Variants in PTPRK observed in about 807,000 individuals in gnomAD.
PTPRK encodes protein tyrosine phosphatase receptor type K.
A neutral mutation model predicts 178.0 loss-of-function variants in PTPRK; 75 were observed. The observed-to-expected ratio is 0.42, with a 90% CI of 0.35 to 0.51. The LOEUF (loss-of-function observed/expected upper bound fraction) is 0.51. Ranked by LOEUF, PTPRK falls within the 20% of genes least tolerant of loss-of-function variation. PTPRK has a pLI of 0.02. For synonymous variants in PTPRK, 637 were observed against 620.6 expected (o/e 1.03, Z -0.39); for missense variants, 1,441 against 1,797.8 (o/e 0.80, Z 3.59).
chr6:128,302,170 C>T (rs772520934), intron 3 of PTPRK, among the ~76,000 whole-genome samples: 5 of 151,902 alleles, frequency 3.3e-5, no homozygotes, highest in African/African-American at 7.3e-5. Context: ...GGGCGGATCA[C>T]GAGGTCAGGA....
chr6:128,246,463 T>A (rs553095216), intron 3 of PTPRK, among the ~76,000 whole-genome samples: 10 of 152,292 alleles, frequency 6.6e-5, no homozygotes, highest in Non-Finnish European at 1.3e-4. Flanking sequence ...GTTCCTCTTT[T>A]TAGTGACCTC....
chr6:128,338,848 T>C (rs1413631237), intron 2 of PTPRK, among the ~76,000 whole-genome samples: 1 of 148,108 alleles, frequency 6.8e-6, no homozygotes, highest in Non-Finnish European at 1.5e-5. Flanking sequence ...AGGCAAGAGA[T>C]TCACCAAATA....
rs142532849 is a variant in PTPRK at position 128,113,700 on chromosome 6, A to C, written c.1163-23708T>G. On this transcript the variant is annotated intron_variant, in intron 7 of 29. Coordinates refer to ENST00000368226, the MANE Select transcript of PTPRK (RefSeq NM_002844.4). ...AGAACCAATTCCTTGTGTATATTGA[A>C]AGACAGTTGTAAATATAAACACCAA... Among the ~76,000 whole-genome samples the C allele has an allele frequency of 1.4e-3, 211 of 152,168 alleles. 3 individuals are homozygous for C. Among genetic ancestry groups the C allele is most frequent in the Non-Finnish European group, 2.3e-3 (153 of 67,970 alleles).
chr6:128,306,122 G>A (rs749554149), intron 3 of PTPRK, among the ~76,000 whole-genome samples: 7 of 152,124 alleles, frequency 4.6e-5, no homozygotes, highest in Non-Finnish European at 7.4e-5. Flanking sequence ...TTCTGCCCTT[G>A]GCACATGGAG....
intron 6 of PTPRK, among the ~76,000 whole-genome samples, chr6:128,197,288 C>A (rs983512558): frequency 6.7e-6 from 1 of 149,810 alleles, no homozygotes; most frequent in African/African-American, 2.5e-5. Flanking sequence ...TGGTTTGCTG[C>A]ACCTATCAAC....
At chr6:128,386,690 A>G (rs930164513) in intron 2 of PTPRK, among the ~76,000 whole-genome samples, 2 of 152,206 alleles carry the variant, frequency 1.3e-5, no homozygotes, top group African/African-American at 4.8e-5. Flanking sequence ...TTCCACTCTT[A>G]CTAATTGTTT....
chr6:128,007,966 G>A (rs750833938), intron 14 of PTPRK: 1 of 977,502 alleles, frequency 1.0e-6, no homozygotes, highest in African/African-American at 1.7e-5. Flanking sequence ...CAACCACAGA[G>A]GGAGACAACA....
chr6:128,010,472 C>T (rs868428663), intron 13 of PTPRK, among the ~76,000 whole-genome samples: 1 of 151,196 alleles, frequency 6.6e-6, no homozygotes, highest in East Asian at 1.9e-4. Flanking sequence ...TCTTTACCTT[C>T]TCCTCTTGGC....
Position 128,149,344 on chromosome 6 carries a change from AAAT to A in PTPRK, c.1162+35085_1162+35087del, listed in dbSNP as rs543650285. Among the ~76,000 whole-genome samples the A allele has an allele frequency of 2.1e-3, 321 of 152,204 alleles. 1 individual carries two copies. The highest frequency in any genetic ancestry group is 6.2e-3 in the African/African-American group (257 of 41,544). On this transcript the variant is annotated intron_variant, in intron 7 of 29. Coordinates refer to ENST00000368226, the MANE Select transcript of PTPRK (RefSeq NM_002844.4). Reference sequence around the variant, plus strand: ...AAAATATGGCATATCATGGTTAATGAAATAATAATAATATTGATAATTCTAAAA... The same window carrying A: ...AAAATATGGCATATCATGGTTAATGAAATAATAATATTGATAATTCTAAAA...
At chr6:128,430,824 G>A (rs1020218472) in intron 1 of PTPRK, among the ~76,000 whole-genome samples, 32 of 152,048 alleles carry the variant, frequency 2.1e-4, no homozygotes, top group Non-Finnish European at 2.9e-4. Flanking sequence ...ACACACCCCC[G>A]GGGAGAAACC....
intron 1 of PTPRK, among the ~76,000 whole-genome samples, chr6:128,507,083 A>G (rs1211334277): frequency 6.6e-6 from 1 of 152,118 alleles, no homozygotes. Context: ...CAGATCATGT[A>G]GTAAAAACAT....
intron 3 of PTPRK, among the ~76,000 whole-genome samples, chr6:128,310,817 G>T (rs1827136357): frequency 6.6e-6 from 1 of 152,150 alleles, no homozygotes; most frequent in African/African-American, 2.4e-5. Flanking sequence ...GGAGTAGCAT[G>T]CCCTTCTATG....
intron 3 of PTPRK, among the ~76,000 whole-genome samples, chr6:128,302,962 A>AACACACACAC (rs112938387): frequency 4.6e-4 from 70 of 151,872 alleles, no homozygotes; most frequent in Admixed American, 3.7e-3. Context: ...CACACACACA[A>AACACACACAC]ACACAAAACA....
intron 1 of PTPRK, among the ~76,000 whole-genome samples, chr6:128,485,882 T>C (rs1014865381): frequency 6.6e-6 from 1 of 152,242 alleles, no homozygotes; most frequent in African/African-American, 2.4e-5. Context: ...AGCGTCTTTC[T>C]TGAGTGATAA....
chr6:128,056,843 A>G (rs4588705), intron 13 of PTPRK, among the ~76,000 whole-genome samples: 5,167 of 152,292 alleles, frequency 0.034, 288 homozygotes, highest in African/African-American at 0.12. Context: ...ATGGATAAAC[A>G]TAATTTTTAG....
At chr6:128,470,033 G>A (rs946378357) in intron 1 of PTPRK, among the ~76,000 whole-genome samples, 5 of 152,064 alleles carry the variant, frequency 3.3e-5, no homozygotes, top group African/African-American at 9.7e-5. Context: ...GTTTTACGCC[G>A]CTAACTTTGT....
At chr6:128,052,412 A>G (rs1236157564) in intron 13 of PTPRK, among the ~76,000 whole-genome samples, 1 of 152,174 alleles carries the variant, frequency 6.6e-6, no homozygotes, top group Non-Finnish European at 1.5e-5. Context: ...TTTAGTTGCT[A>G]TATCTCTTTG....
chr6:128,245,505 C>T (rs1815294762), intron 3 of PTPRK, among the ~76,000 whole-genome samples: 2 of 152,154 alleles, frequency 1.3e-5, no homozygotes, highest in African/African-American at 2.4e-5. Context: ...ATGGATGGCT[C>T]ATCTCCCTTC....
rs1337710778 is a variant in PTPRK, at chr6:128,005,029, T to A, written c.2494+55A>T. The A allele has an allele frequency of 3.4e-6, 5 of 1,473,096 alleles. No individual in the cohort carries two copies. The Admixed American group carries it at 5.6e-5, about 17-fold the overall frequency. The allele number at this position is 1,473,096 out of a possible 1,614,324, so 91.3% of individuals were successfully genotyped here. ...ATTACTCAAAAGGTATCGTGTAGAATTCAAAGTGAAATGAGTTGTAACATC... is the reference window on the plus strand; with the variant it reads ...ATTACTCAAAAGGTATCGTGTAGAAATCAAAGTGAAATGAGTTGTAACATC... On this transcript the variant is annotated intron_variant, in intron 15 of 29. Coordinates refer to ENST00000368226, the MANE Select transcript of PTPRK (RefSeq NM_002844.4).
Sources: gnomAD v4.1 joint callset for allele counts (sites outside exome capture counted in the v4.1 genomes callset) on GRCh38, gnomAD v4.1.1 for gene constraint, MANE v1.5 for transcripts, NCBI Gene and HGNC (gene_info 2026-07-23, HGNC 2026-07-21) for gene names.